HEMK2: variants seen among roughly 807,000 people sequenced by gnomAD.
HEMK2 encodes HemK methyltransferase 2, ETF1 glutamine and histone H4 lysine.
At chr21:28,808,540 T>C in the HEMK2 span, among the ~76,000 whole-genome samples, 1 of 152,118 alleles carries the variant, frequency 6.6e-6, no homozygotes, top group South Asian at 2.1e-4. Flanking sequence ...CTCCTTTTAT[T>C]TGGGTCTTGT....
At chr21:28,856,909 C>T in the HEMK2 span, among the ~76,000 whole-genome samples, 20 of 152,228 alleles carry the variant, frequency 1.3e-4, no homozygotes, top group Admixed American at 6.5e-5. Flanking sequence ...TTGCATACTC[C>T]AGCCCCGGGA....
the HEMK2 span, among the ~76,000 whole-genome samples, chr21:28,581,292 C>T: frequency 1.3e-5 from 2 of 151,558 alleles, no homozygotes; most frequent in African/African-American, 2.4e-5. Flanking sequence ...GTTAGCAAGT[C>T]CCCTGAGACT....
the HEMK2 span, among the ~76,000 whole-genome samples, chr21:28,617,771 A>G: frequency 6.7e-6 from 1 of 148,230 alleles, no homozygotes; most frequent in Non-Finnish European, 1.5e-5. Flanking sequence ...ATATTATGGT[A>G]CTTGGTATTC....
At chr21:28,793,360 C>T in the HEMK2 span, among the ~76,000 whole-genome samples, 3 of 152,298 alleles carry the variant, frequency 2.0e-5, no homozygotes, top group African/African-American at 7.2e-5. Flanking sequence ...ACGAAATGCA[C>T]CTATTTGTCA....
At chr21:28,709,447 G>T in the HEMK2 span, among the ~76,000 whole-genome samples, 3 of 152,050 alleles carry the variant, frequency 2.0e-5, no homozygotes, top group Non-Finnish European at 2.9e-5. Flanking sequence ...ATGGAACTTC[G>T]GAATGCACTT....
the HEMK2 span, among the ~76,000 whole-genome samples, chr21:28,699,153 A>G: frequency 6.6e-6 from 1 of 152,216 alleles, no homozygotes; most frequent in Non-Finnish European, 1.5e-5. Flanking sequence ...GAGAAAATCT[A>G]AACTATGCTT....
At chr21:28,671,930 T>G in the HEMK2 span, among the ~76,000 whole-genome samples, 2 of 152,180 alleles carry the variant, frequency 1.3e-5, no homozygotes, top group South Asian at 4.1e-4. Flanking sequence ...CCCCTATCAT[T>G]TCGCTGGAAA....
the HEMK2 span, among the ~76,000 whole-genome samples, chr21:28,817,484 G>A: frequency 6.6e-6 from 1 of 152,172 alleles, no homozygotes; most frequent in Admixed American, 6.5e-5. Context: ...CATGATAGGT[G>A]TAGGGTTGGG....
the HEMK2 span, among the ~76,000 whole-genome samples, chr21:28,590,478 A>G: frequency 6.6e-6 from 1 of 152,244 alleles, no homozygotes. Context: ...AGAGTGATCC[A>G]TCAACACTGC....
the HEMK2 span, among the ~76,000 whole-genome samples, chr21:28,861,635 C>G: frequency 5.8e-4 from 89 of 152,340 alleles, no homozygotes; most frequent in African/African-American, 2.0e-3. Flanking sequence ...TGTTCCCCAT[C>G]ATCCTGAAGC....
At chr21:28,738,449 G>A in the HEMK2 span, among the ~76,000 whole-genome samples, 1 of 152,232 alleles carries the variant, frequency 6.6e-6, no homozygotes, top group Non-Finnish European at 1.5e-5. Context: ...TAAAGGGCAA[G>A]GAAGGGGGAA....
At chr21:28,639,643 A>G in the HEMK2 span, among the ~76,000 whole-genome samples, 7 of 152,248 alleles carry the variant, frequency 4.6e-5, no homozygotes, top group African/African-American at 1.4e-4. Context: ...TATTAGCATT[A>G]TATTAATTTA....
the HEMK2 span, among the ~76,000 whole-genome samples, chr21:28,732,134 C>G: frequency 1.3e-4 from 20 of 152,348 alleles, no homozygotes; most frequent in Admixed American, 6.5e-4. Context: ...TTCCTGCTGC[C>G]TTTGAGGTAC....
the HEMK2 span, among the ~76,000 whole-genome samples, chr21:28,639,691 A>T: frequency 6.6e-6 from 1 of 152,220 alleles, no homozygotes; most frequent in Non-Finnish European, 1.5e-5. Flanking sequence ...ACATACTTTT[A>T]ATGTCTTTTC....
the HEMK2 span, among the ~76,000 whole-genome samples, chr21:28,765,464 C>G: frequency 2.0e-5 from 3 of 152,054 alleles, no homozygotes; most frequent in African/African-American, 7.2e-5. Flanking sequence ...ACAGCAATAG[C>G]TAAATAATAC....
the HEMK2 span, chr21:28,874,493 CT>C: frequency 6.6e-6 from 1 of 152,254 alleles, no homozygotes; most frequent in Admixed American, 6.5e-5. Context: ...CAGAGATAGC[CT>C]TGGCCAGGTC....
At chr21:28,622,990 G>A in the HEMK2 span, among the ~76,000 whole-genome samples, 7 of 151,956 alleles carry the variant, frequency 4.6e-5, no homozygotes, top group African/African-American at 1.2e-4. Flanking sequence ...AAATGGGATC[G>A]AATGAAACTA....
the HEMK2 span, among the ~76,000 whole-genome samples, chr21:28,640,981 C>T: frequency 2.4e-4 from 36 of 152,254 alleles, no homozygotes; most frequent in Middle Eastern, 0.014. Context: ...TACCCTACCG[C>T]GCATATTGGG....
the HEMK2 span, among the ~76,000 whole-genome samples, chr21:28,639,648 A>T: frequency 6.6e-6 from 1 of 152,344 alleles, no homozygotes; most frequent in East Asian, 1.9e-4. Flanking sequence ...GCATTATATT[A>T]ATTTATCCGA....
Sources: gnomAD v4.1 joint callset for allele counts (sites outside exome capture counted in the v4.1 genomes callset) on GRCh38, gnomAD v4.1.1 for gene constraint, MANE v1.5 for transcripts, NCBI Gene and HGNC (gene_info 2026-07-23, HGNC 2026-07-21) for gene names.